Variants in SYT9 observed in about 807,000 individuals in gnomAD.
SYT9 encodes the protein synaptotagmin 9, also known as synaptotagmin-9.
SYT9 carries 22 observed loss-of-function variants against 48.4 expected under a neutral mutation model. The ratio of observed to expected loss-of-function variants is 0.45; its 90% CI spans 0.32 to 0.65. SYT9 has a LOEUF of 0.65. Ranked by LOEUF, SYT9 falls within the 30% of genes least tolerant of loss-of-function variation. The pLI is 0.03. For synonymous variants in SYT9, 265 were observed against 245.0 expected, an observed-to-expected ratio of 1.08 and a Z score of -0.76; for missense variants, 577 against 622.0, an observed-to-expected ratio of 0.93 and a Z score of 0.77.
intron 3 of SYT9, among the ~76,000 whole-genome samples, chr11:7,415,542 A>C (rs932336877): frequency 6.6e-6 from 1 of 152,014 alleles, no homozygotes; most frequent in Non-Finnish European, 1.5e-5. Flanking sequence ...GAGAGGCTTC[A>C]TGATGCTGCA....
intron 1 of SYT9, among the ~76,000 whole-genome samples, chr11:7,288,848 T>A (rs1848646976): frequency 6.6e-6 from 1 of 152,236 alleles, no homozygotes; most frequent in African/African-American, 2.4e-5. Flanking sequence ...GCTCTCTCTA[T>A]GGCTGCTCTT....
chr11:7,259,805 G>A lies in SYT9; in HGVS notation c.145+7474G>A, dbSNP rs1371893621. On this transcript the variant is annotated intron_variant, in intron 1 of 6. Coordinates refer to ENST00000318881, the MANE Select transcript of SYT9 (RefSeq NM_175733.4). ...TATTCTGTCAAATTAGCTCACAGAA[G>A]GAATATTGTATAGTGAATGAGCTCA... Among the ~76,000 whole-genome samples the A allele has an allele frequency of 3.3e-5, 5 of 151,956 alleles. No homozygotes were observed. The East Asian group carries it at 9.6e-4, about 29-fold the overall frequency.
At chr11:7,421,973 C>A (rs1423267438) in intron 6 of SYT9, among the ~76,000 whole-genome samples, 1 of 152,172 alleles carries the variant, frequency 6.6e-6, no homozygotes, top group South Asian at 2.1e-4. Context: ...GAACTGAGCC[C>A]CCGGGAACTG....
At chr11:7,269,694 C>G (rs1363577298) in intron 1 of SYT9, among the ~76,000 whole-genome samples, 1 of 152,166 alleles carries the variant, frequency 6.6e-6, no homozygotes. Context: ...CGAAGTCCCA[C>G]TCTATACTTG....
upstream of SYT9, among the ~76,000 whole-genome samples, chr11:7,247,461 TCATATATATATA>T (rs1343018011): frequency 2.0e-5 from 3 of 150,666 alleles, no homozygotes; most frequent in African/African-American, 7.3e-5. Context: ...TAGTATTCCA[TCATATATATATA>T]CATATATATA....
At chr11:7,407,788 A>G (rs1022566436) in intron 3 of SYT9, among the ~76,000 whole-genome samples, 5 of 152,156 alleles carry the variant, frequency 3.3e-5, no homozygotes, top group African/African-American at 1.2e-4. Flanking sequence ...CATTTATTGA[A>G]GAATGTATTC....
intron 6 of SYT9, among the ~76,000 whole-genome samples, chr11:7,434,102 A>G (rs1847659096): frequency 6.6e-6 from 1 of 152,072 alleles, no homozygotes; most frequent in Non-Finnish European, 1.5e-5. Flanking sequence ...CTACTGAGGA[A>G]CTCCATACAC....
intron 3 of SYT9, among the ~76,000 whole-genome samples, chr11:7,396,634 A>G (rs1846758545): frequency 6.6e-6 from 1 of 152,150 alleles, no homozygotes; most frequent in Non-Finnish European, 1.5e-5. Context: ...GGGTCATTTG[A>G]CAAGAGAATG....
At chr11:7,317,526 C>T (rs7952173) in intron 3 of SYT9, among the ~76,000 whole-genome samples, 149,366 of 152,162 alleles carry the variant, frequency 0.98, 73,373 homozygotes, top group Middle Eastern at 1. Context: ...CTTATAAGGA[C>T]ACTAATCCTA....
At chr11:7,446,507 A>G (rs56254747) in intron 6 of SYT9, among the ~76,000 whole-genome samples, 21,921 of 152,162 alleles carry the variant, frequency 0.14, 1,794 homozygotes, top group African/African-American at 0.19. Context: ...CCTCCTGTCC[A>G]GTGATCTCCA....
chr11:7,466,980 G>A lies in SYT9; in HGVS notation c.*180G>A. 1.4e-6 allele frequency: 1 copy of A among 702,982 alleles called. No homozygotes were observed. Among genetic ancestry groups the A allele is most frequent in the Non-Finnish European group, 2.4e-6 (1 of 415,520 alleles). 43.5% of individuals were successfully genotyped at this position (702,982 alleles called of 1,614,324 possible). ...GGGTTTGGTGAACCTGAATGGTCCA[G>A]CCACCTTCTGCAGGTGGCCCAAGGT... On this transcript the variant is annotated 3_prime_UTR_variant, in exon 7 of 7. Coordinates refer to ENST00000318881, the MANE Select transcript of SYT9 (RefSeq NM_175733.4).
At chr11:7,243,907 G>T (rs1847766354) in intron 1 of SYT9, among the ~76,000 whole-genome samples, 1 of 152,048 alleles carries the variant, frequency 6.6e-6, no homozygotes. Flanking sequence ...AGAGTCGTCA[G>T]CCACTTTGAA....
intron 2 of SYT9, among the ~76,000 whole-genome samples, chr11:7,304,043 C>T (rs1391470340): frequency 2.0e-5 from 3 of 152,324 alleles, no homozygotes; most frequent in East Asian, 1.9e-4. Flanking sequence ...AAAAAAGATG[C>T]GGTCTCTCAA....
chr11:7,338,050 GC>G (rs1320994420), intron 3 of SYT9, among the ~76,000 whole-genome samples: 13 of 152,264 alleles, frequency 8.5e-5, no homozygotes, highest in African/African-American at 3.1e-4. Context: ...CTTGTTACTG[GC>G]CTGTTAAGGG....
upstream of SYT9, among the ~76,000 whole-genome samples, chr11:7,249,595 A>G (rs1847834145): frequency 6.6e-6 from 1 of 152,218 alleles, no homozygotes; most frequent in African/African-American, 2.4e-5. Context: ...TAGATTAAGA[A>G]AGTGTGTTTA....
chr11:7,346,967 A>C (rs1849811817), intron 3 of SYT9, among the ~76,000 whole-genome samples: 1 of 152,218 alleles, frequency 6.6e-6, no homozygotes, highest in South Asian at 2.1e-4. Context: ...AACTAAACAC[A>C]AAGTTTTGTC....
chr11:7,326,550 C>A (rs959825122), intron 3 of SYT9, among the ~76,000 whole-genome samples: 3 of 151,494 alleles, frequency 2.0e-5, no homozygotes, highest in African/African-American at 7.3e-5. Context: ...TTTGTTGATC[C>A]TTTGAATTGG....
chr11:7,431,899 C>T (rs572802628), intron 6 of SYT9, among the ~76,000 whole-genome samples: 1 of 152,294 alleles, frequency 6.6e-6, no homozygotes, highest in African/African-American at 2.4e-5. Context: ...CCTGAGTGCC[C>T]AGGAAGAAGC....
At chr11:7,243,859 A>G (rs1292288366) in intron 1 of SYT9, among the ~76,000 whole-genome samples, 1 of 152,228 alleles carries the variant, frequency 6.6e-6, no homozygotes, top group East Asian at 1.9e-4. Flanking sequence ...TGGAGCATCC[A>G]GAGTGACTGC....
Sources: gnomAD v4.1 joint callset for allele counts (sites outside exome capture counted in the v4.1 genomes callset) on GRCh38, gnomAD v4.1.1 for gene constraint, MANE v1.5 for transcripts, NCBI Gene and HGNC (gene_info 2026-07-23, HGNC 2026-07-21) for gene names.